The following IWS1 variants were observed in gnomAD, a reference collection of about 807,000 sequenced individuals.
The protein encoded by IWS1 is interacts with SUPT6H, CTD assembly factor 1.
IWS1 carries 27 observed loss-of-function variants against 86.7 expected under a neutral mutation model. That is an observed-to-expected ratio of 0.31 (90% CI 0.23 to 0.43). The LOEUF is 0.43. Ranked by LOEUF, IWS1 falls within the 20% of genes least tolerant of loss-of-function variation. The probability of loss-of-function intolerance (pLI) is 1.00; values close to 1 mark genes in which losing one functional copy is unlikely to be tolerated. For missense variants in IWS1, 827 were observed against 1,000.8 expected, an observed-to-expected ratio of 0.83 and a Z score of 2.34; for synonymous variants, 313 against 335.1, an observed-to-expected ratio of 0.93 and a Z score of 0.72.
intron 2 of IWS1, among the ~76,000 whole-genome samples, chr2:127,518,562 C>CTTTTT (rs747745807): frequency 2.6e-5 from 3 of 116,834 alleles, no homozygotes; most frequent in African/African-American, 6.7e-5. Flanking sequence ...ACAGGCGATT[C>CTTTTT]TTTTTTTTTT....
At chr2:127,511,061 A>C (rs1691424169) in intron 2 of IWS1, 1 of 152,204 alleles carries the variant, frequency 6.6e-6, no homozygotes, top group Non-Finnish European at 1.5e-5. Flanking sequence ...GCGCCTTTAC[A>C]AATGCTGTTC....
intron 5 of IWS1, among the ~76,000 whole-genome samples, chr2:127,501,281 A>AT (rs1056959011): frequency 5.3e-5 from 8 of 151,984 alleles, no homozygotes; most frequent in Non-Finnish European, 1.5e-5. Context: ...AGTAGATTCT[A>AT]TTGTTTCTGT....
intron 2 of IWS1, among the ~76,000 whole-genome samples, chr2:127,520,445 G>C (rs933197167): frequency 2.0e-5 from 3 of 152,170 alleles, no homozygotes; most frequent in African/African-American, 7.2e-5. Context: ...GGGATTACAG[G>C]CAAGGGCCAC....
chr2:127,512,793 G>A (rs1691542831), intron 2 of IWS1, among the ~76,000 whole-genome samples: 3 of 152,078 alleles, frequency 2.0e-5, no homozygotes, highest in Admixed American at 6.5e-5. Flanking sequence ...GCACCCACAT[G>A]GATACCTTAA....
In IWS1 at chr2:127,505,775, A is replaced by G. The variant is rs759679484; in HGVS notation, c.151-23T>C. 7.1e-7 allele frequency: 1 copy of G among 1,404,074 alleles called. No individual in the cohort carries two copies. The highest frequency in any genetic ancestry group is 9.6e-7 in the Non-Finnish European group (1 of 1,040,756). The allele number at this position is 1,404,074 out of a possible 1,614,324, so 87.0% of individuals were successfully genotyped here. On this transcript the variant is annotated intron_variant, in intron 2 of 13. Coordinates refer to ENST00000295321, the MANE Select transcript of IWS1 (RefSeq NM_017969.3). The surrounding 1 kb of genome is among the most constrained non-coding windows in gnomAD (Gnocchi z 5.0). ...ATTCTGAAAAATAAAGTGAGAAAAA[A>G]TTAGGAAAGTGCAAAAAAAAAAAAA...
intron 2 of IWS1, among the ~76,000 whole-genome samples, chr2:127,512,280 T>C (rs1691514365): frequency 6.6e-6 from 1 of 152,168 alleles, no homozygotes; most frequent in Admixed American, 6.5e-5. Flanking sequence ...TAAAAGAATA[T>C]ATGGTAAAAA....
chr2:127,485,337 T>C (rs1184502835), intron 13 of IWS1, among the ~76,000 whole-genome samples: 2 of 152,074 alleles, frequency 1.3e-5, no homozygotes, highest in East Asian at 1.9e-4. Context: ...AAAGGTGCCA[T>C]TAGTCTCAAA....
At chr2:127,502,274 C>T (rs1300848062) in intron 5 of IWS1, among the ~76,000 whole-genome samples, 4 of 152,086 alleles carry the variant, frequency 2.6e-5, no homozygotes, top group Non-Finnish European at 4.4e-5. Flanking sequence ...CAATAGGCCC[C>T]GAACTCTAAA....
At chr2:127,517,774 T>C (rs1691855590) in intron 2 of IWS1, among the ~76,000 whole-genome samples, 1 of 152,202 alleles carries the variant, frequency 6.6e-6, no homozygotes, top group Non-Finnish European at 1.5e-5. Flanking sequence ...TGTACACAAA[T>C]GTTTATAGCA....
Position 127,481,065 on chromosome 2 carries a change from C to T in IWS1, c.2439G>A (p.Glu813=). ...AAGGTCACAATGGCATTTTGTTGCC[C>T]TCAATGCTGATTTTCACTGCGTGTG... is the stretch of plus-strand genomic sequence containing the variant. The part of the protein sequence containing the change: ...RSAHAVKISI[E]GNKMPL The change falls in exon 14 of 14, where the codon GAG becomes GAA. Residue 813 remains glutamate, a synonymous_variant. Coordinates refer to ENST00000295321, the MANE Select transcript of IWS1 (RefSeq NM_017969.3). 1 of 1,611,296 alleles carries T rather than the reference C, an allele frequency of 6.2e-7. No individual in the cohort carries two copies. Among genetic ancestry groups the T allele is most frequent in the Non-Finnish European group, 8.5e-7 (1 of 1,179,088 alleles).
chr2:127,483,275 TTAC>T (rs1463856948), intron 13 of IWS1, among the ~76,000 whole-genome samples: 10 of 152,052 alleles, frequency 6.6e-5, no homozygotes, highest in East Asian at 1.9e-4. Context: ...GTAGCACAGG[TTAC>T]TACATTATTT....
chr2:127,510,166 T>C (rs1387689779), intron 2 of IWS1, among the ~76,000 whole-genome samples: 1 of 152,364 alleles, frequency 6.6e-6, no homozygotes, highest in African/African-American at 2.4e-5. Context: ...AAAACATGTT[T>C]CACGGGACCT....
At chr2:127,483,456 T>C (rs1045889920) in intron 13 of IWS1, among the ~76,000 whole-genome samples, 3 of 144,946 alleles carry the variant, frequency 2.1e-5, no homozygotes, top group Non-Finnish European at 4.5e-5. Flanking sequence ...AGAAAGAAAA[T>C]ACATAATAAA....
intron 8 of IWS1, 106 bp downstream of exon 8, chr2:127,494,766 C>T (rs186853854): frequency 1.4e-4 from 78 of 542,744 alleles, no homozygotes; most frequent in Admixed American, 7.4e-4. Flanking sequence ...TTCTGTGAAC[C>T]GATAGAAGTC....
chr2:127,516,658 G>T (rs972904419), intron 2 of IWS1, among the ~76,000 whole-genome samples: 2 of 152,026 alleles, frequency 1.3e-5, no homozygotes, highest in Non-Finnish European at 2.9e-5. Flanking sequence ...CTACTCAGAG[G>T]TATGAGGCGG....
rs1005334489 is a variant in IWS1, at chr2:127,495,857, A to G, written c.1716+141T>C. On this transcript the variant is annotated intron_variant, in intron 7 of 13. Coordinates refer to ENST00000295321, the MANE Select transcript of IWS1 (RefSeq NM_017969.3). ...ACTAAAAAATTAAAATATTTCCATG[A>G]TTAAAATTGAGAACAGTAAATGCTT... The G allele has an allele frequency of 1.2e-5, 9 of 733,916 alleles. No individual in the cohort carries two copies. The African/African-American group carries it at 1.6e-4, about 13-fold the overall frequency. 45.5% of individuals were successfully genotyped at this position (733,916 alleles called of 1,614,324 possible).
In IWS1 at chr2:127,489,772, A is replaced by T; in HGVS notation, c.2159+60T>A. 1.1e-6 allele frequency: 1 copy of T among 943,188 alleles called. No individual in the cohort carries two copies. The highest frequency in any genetic ancestry group is 1.7e-6 in the Non-Finnish European group (1 of 572,132). The allele number at this position is 943,188 out of a possible 1,614,324, so 58.4% of individuals were successfully genotyped here. A position where few individuals can be genotyped will look rare whatever the true frequency, so the allele number is the denominator to read the frequency against. ...TGCAGGCTTCCTAATGATCTTACTTAAAACTGAGTTACTGCAACAATAACG... is the reference window on the plus strand; with the variant it reads ...TGCAGGCTTCCTAATGATCTTACTTTAAACTGAGTTACTGCAACAATAACG... On this transcript the variant is annotated intron_variant, in intron 11 of 13. Transcript: ENST00000295321. This position sits in a 1 kb window ranked among gnomAD's most constrained non-coding sequence, Gnocchi z 4.8.
chr2:127,489,104 TTAC>T lies in IWS1; in HGVS notation c.2216+72_2216+74del. The T allele has an allele frequency of 4.9e-6, 5 of 1,025,262 alleles. No homozygotes were observed. Among genetic ancestry groups the T allele is most frequent in the Non-Finnish European group, 7.5e-6 (5 of 667,518 alleles). 63.5% of individuals were successfully genotyped at this position (1,025,262 alleles called of 1,614,324 possible). A position where few individuals can be genotyped will look rare whatever the true frequency, so the allele number is the denominator to read the frequency against. On this transcript the variant is annotated intron_variant, in intron 12 of 13. Coordinates refer to ENST00000295321, the MANE Select transcript of IWS1 (RefSeq NM_017969.3). The surrounding 1 kb of genome is among the most constrained non-coding windows in gnomAD (Gnocchi z 4.8). ...AAATGAGAGCATAACATCATTTCAT[TTAC>T]TACTTTTCTTAAAGCAGCAAACGGA...
At chr2:127,494,694 G>A (rs1330869596) in intron 8 of IWS1, 178 bp downstream of exon 8, 7 of 406,552 alleles carry the variant, frequency 1.7e-5, no homozygotes, top group South Asian at 2.0e-4. Context: ...GTTTGCACCA[G>A]GCATCAAGGC....
Sources: gnomAD v4.1 joint callset for allele counts (sites outside exome capture counted in the v4.1 genomes callset) on GRCh38, gnomAD v4.1.1 for gene constraint, Gnocchi (gnomAD v3.1) non-coding constraint, MANE v1.5 for transcripts, NCBI Gene and HGNC (gene_info 2026-07-23, HGNC 2026-07-21) for gene names.